Variants in LHFPL2 observed in about 807,000 individuals in gnomAD.
The protein encoded by LHFPL2 is LHFPL tetraspan subfamily member 2, also known as LHFPL tetraspan subfamily member 2 protein.
LHFPL2 carries 7 observed loss-of-function variants against 17.5 expected under a neutral mutation model. The observed-to-expected ratio is 0.40, with a 90% CI of 0.23 to 0.75. LHFPL2 has a LOEUF of 0.75. Among genes scored for constraint, LHFPL2 ranks in the 30% least tolerant of loss-of-function variants. The pLI is 0.37. For missense variants in LHFPL2, 241 were observed against 294.8 expected, an observed-to-expected ratio of 0.82 and a Z score of 1.34; for synonymous variants, 134 against 116.2, an observed-to-expected ratio of 1.15 and a Z score of -0.99.
chr5:78,491,500 T>TA (rs1561302436), intron 4 of LHFPL2, among the ~76,000 whole-genome samples: 1 of 151,830 alleles, frequency 6.6e-6, no homozygotes, highest in East Asian at 1.9e-4. Flanking sequence ...AATGAAAGGG[T>TA]AGAAATCAAG....
chr5:78,492,968 A>G (rs16875506), intron 4 of LHFPL2, among the ~76,000 whole-genome samples: 64,288 of 152,024 alleles, frequency 0.42, 16,144 homozygotes, highest in East Asian at 0.73. Context: ...TGCCCATCAC[A>G]GTTATCATTA....
chr5:78,489,232 A>G (rs1754357593), intron 4 of LHFPL2, 79 bp from the exon 5 acceptor site: 4 of 1,548,274 alleles, frequency 2.6e-6, no homozygotes, highest in South Asian at 2.3e-5. Flanking sequence ...TTGTTACTTG[A>G]TTTGCTTGCT....
Position 78,591,140 on chromosome 5 carries a change from C to T in LHFPL2, c.-244-26269G>A, listed in dbSNP as rs182619945. ...AAATCTCCTCAGGCTTAGTCCCTAT[C>T]TATACAGAAAGAAACTCCCAGGAAG... On this transcript the variant is annotated intron_variant, in intron 2 of 4. Coordinates refer to ENST00000380345, the MANE Select transcript of LHFPL2 (RefSeq NM_005779.3). 1.2e-4 allele frequency among the ~76,000 whole-genome samples: 18 copies of T among 152,274 alleles called. No homozygotes were observed. In the East Asian group the frequency reaches 2.3e-3, roughly 20 times the overall value.
At chr5:78,615,846 C>G (rs1744581692) in intron 2 of LHFPL2, among the ~76,000 whole-genome samples, 1 of 152,178 alleles carries the variant, frequency 6.6e-6, no homozygotes, top group Non-Finnish European at 1.5e-5. Flanking sequence ...CTCAGCCTGT[C>G]CTCTCTTTTC....
chr5:78,645,543 T>TACACATACACCC (rs71613976), intron 1 of LHFPL2, among the ~76,000 whole-genome samples: 1 of 137,236 alleles, frequency 7.3e-6, no homozygotes, highest in Non-Finnish European at 1.6e-5. Flanking sequence ...GACAGATGCA[T>TACACATACACCC]ACACACACAC....
chr5:78,599,894 G>T (rs1051907626), intron 2 of LHFPL2, among the ~76,000 whole-genome samples: 1 of 151,966 alleles, frequency 6.6e-6, no homozygotes, highest in Non-Finnish European at 1.5e-5. Context: ...TCTTTACATA[G>T]TACCTGAAAA....
intron 2 of LHFPL2, among the ~76,000 whole-genome samples, chr5:78,573,944 CCTAA>C (rs778698887): frequency 4.7e-4 from 72 of 152,110 alleles, no homozygotes; most frequent in African/African-American, 8.2e-4. Flanking sequence ...ATCAAAAGTG[CCTAA>C]CTAAGATCGT....
chr5:78,527,337 G>C (rs985200035), intron 3 of LHFPL2, among the ~76,000 whole-genome samples: 1 of 150,942 alleles, frequency 6.6e-6, no homozygotes, highest in Non-Finnish European at 1.5e-5. Context: ...ATCAAGCTTC[G>C]GGAAAGCTCT....
intron 3 of LHFPL2, 87 bp downstream of exon 3, chr5:78,564,711 AAAAGTTTGAAACACT>A (rs1464053882): frequency 6.6e-6 from 1 of 152,230 alleles, no homozygotes; most frequent in African/African-American, 2.4e-5. Flanking sequence ...CACAGGGTTC[AAAAGTTTGAAACACT>A]GCATCTTTTT....
chr5:78,577,597 G>A (rs538988578), intron 2 of LHFPL2, among the ~76,000 whole-genome samples: 1 of 152,152 alleles, frequency 6.6e-6, no homozygotes, highest in South Asian at 2.1e-4. Flanking sequence ...GGCTCACTAC[G>A]GACAGTCATA....
chr5:78,643,891 T>C (rs1580887900), intron 1 of LHFPL2, among the ~76,000 whole-genome samples: 1 of 152,044 alleles, frequency 6.6e-6, no homozygotes, highest in African/African-American at 2.4e-5. Context: ...TGAAACCCCA[T>C]CTCTACTAAA....
In LHFPL2 at chr5:78,565,984, T is replaced by C. The variant is rs143444149; in HGVS notation, c.-244-1113A>G. Among the ~76,000 whole-genome samples, 448 of 152,350 alleles carry C rather than the reference T, an allele frequency of 2.9e-3. 3 individuals carry two copies. The highest frequency in any genetic ancestry group is 0.01 in the African/African-American group (431 of 41,576). On this transcript the variant is annotated intron_variant, in intron 2 of 4. Transcript: ENST00000380345. ...ATTAGGCTTATGTTATTTAGGACTA[T>C]AAGGTAACACTGTATACGAGTAAAT...
chr5:78,503,645 C>T (rs1754841203), intron 4 of LHFPL2, among the ~76,000 whole-genome samples: 7 of 152,130 alleles, frequency 4.6e-5, no homozygotes, highest in Admixed American at 4.6e-4. Flanking sequence ...TTGCAGTGAG[C>T]CAAAATCGAG....
chr5:78,577,358 C>T (rs1757159181), intron 2 of LHFPL2, among the ~76,000 whole-genome samples: 1 of 152,226 alleles, frequency 6.6e-6, no homozygotes, highest in Non-Finnish European at 1.5e-5. Context: ...TGTTCTACTT[C>T]TGAGGATCTC....
intron 2 of LHFPL2, chr5:78,626,733 T>C (rs1001634243): frequency 6.6e-6 from 1 of 152,048 alleles, no homozygotes; most frequent in Non-Finnish European, 1.5e-5. Flanking sequence ...GTGGGTAGGG[T>C]CTTCATGAGC....
intron 3 of LHFPL2, among the ~76,000 whole-genome samples, chr5:78,554,503 G>A (rs1053398605): frequency 6.6e-5 from 10 of 152,140 alleles, no homozygotes; most frequent in African/African-American, 2.4e-4. Flanking sequence ...CCTTAACAAC[G>A]TTTTCCAGGT....
At chr5:78,574,030 A>G (rs1757067196) in intron 2 of LHFPL2, among the ~76,000 whole-genome samples, 1 of 152,192 alleles carries the variant, frequency 6.6e-6, no homozygotes, top group African/African-American at 2.4e-5. Context: ...AGAAGCAAAT[A>G]CCCAAAACAG....
chr5:78,523,134 GTGTA>G (rs1421233031), intron 3 of LHFPL2, among the ~76,000 whole-genome samples: 12 of 150,616 alleles, frequency 8.0e-5, no homozygotes, highest in Admixed American at 6.6e-4. Flanking sequence ...GTGTGTGTGT[GTGTA>G]TTTCTGCAAG....
At chr5:78,519,307 C>T (rs1580768614) in intron 3 of LHFPL2, among the ~76,000 whole-genome samples, 1 of 152,336 alleles carries the variant, frequency 6.6e-6, no homozygotes, top group East Asian at 1.9e-4. Context: ...TCACAGTAAA[C>T]CATTTCTCAC....
Sources: allele counts gnomAD v4.1 joint callset (sites outside exome capture counted in the v4.1 genomes callset), GRCh38; gene constraint gnomAD v4.1.1; transcripts MANE v1.5; gene names NCBI Gene and HGNC (gene_info 2026-07-23, HGNC 2026-07-21).